SLC1A3: variants seen among roughly 807,000 people sequenced by gnomAD.
The protein encoded by SLC1A3 is solute carrier family 1 member 3, also known as excitatory amino acid transporter 1.
SLC1A3 carries 21 observed loss-of-function variants against 48.1 expected under a neutral mutation model. The ratio of observed to expected loss-of-function variants is 0.44; its 90% CI spans 0.31 to 0.63. SLC1A3 has a LOEUF of 0.63. Among genes scored for constraint, SLC1A3 ranks in the 20% least tolerant of loss-of-function variants. The pLI is 0.08. For synonymous variants in SLC1A3, 239 were observed against 251.4 expected (o/e 0.95, Z 0.47); for missense variants, 546 against 689.0 (o/e 0.79, Z 2.32).
Position 36,686,050 on chromosome 5 carries a change from C to G in SLC1A3, c.1425-15C>G. ...CGGGAGCCTCGTTTTTCCCTCCTCC[C>G]CACCCTGCCTGCAGGGATCGCCTCC... On this transcript the variant is annotated splice_polypyrimidine_tract_variant and intron_variant, in intron 9 of 9. Transcript: ENST00000265113. 6.2e-7 allele frequency: 1 copy of G among 1,611,692 alleles called. No homozygotes were observed. Among genetic ancestry groups the G allele is most frequent in the Non-Finnish European group, 8.5e-7 (1 of 1,177,996 alleles).
At chr5:36,632,084 A>G (rs1740155656) in intron 3 of SLC1A3, among the ~76,000 whole-genome samples, 1 of 152,216 alleles carries the variant, frequency 6.6e-6, no homozygotes, top group Non-Finnish European at 1.5e-5. Flanking sequence ...GGATACAGAG[A>G]AATATTTCTC....
chr5:36,601,515 TA>T (rs1476316627), upstream of SLC1A3, among the ~76,000 whole-genome samples: 1 of 152,186 alleles, frequency 6.6e-6, no homozygotes, highest in East Asian at 1.9e-4. Context: ...ACTGCACACA[TA>T]ATGGGACCAG....
At position 36,686,061 on chromosome 5, in the gene SLC1A3, G is replaced by T. The variant is rs750192680; in HGVS notation, c.1425-4G>T. On this transcript the variant is annotated splice_region_variant and splice_polypyrimidine_tract_variant and intron_variant, in intron 9 of 9. Transcript: ENST00000265113. ...TTTTTCCCTCCTCCCCACCCTGCCT[G>T]CAGGGATCGCCTCCGGACCACCACC... is the stretch of plus-strand genomic sequence containing the variant. 1.2e-6 allele frequency: 2 copies of T among 1,613,854 alleles called. No homozygotes were observed. Among genetic ancestry groups the T allele is most frequent in the East Asian group, 2.2e-5 (1 of 44,886 alleles).
At chr5:36,672,790 A>T (rs536388475) in intron 4 of SLC1A3, among the ~76,000 whole-genome samples, 2 of 152,300 alleles carry the variant, frequency 1.3e-5, no homozygotes, top group South Asian at 2.1e-4. Context: ...ACCCTATAAC[A>T]TTATTTCATA....
intron 2 of SLC1A3, among the ~76,000 whole-genome samples, chr5:36,610,832 G>A (rs944245561): frequency 2.0e-5 from 3 of 152,142 alleles, no homozygotes; most frequent in African/African-American, 7.2e-5. Flanking sequence ...TGCCCTCATG[G>A]TTGGCTTTAC....
At chr5:36,665,761 AGAAT>A (rs1741715413) in intron 3 of SLC1A3, among the ~76,000 whole-genome samples, 1 of 152,236 alleles carries the variant, frequency 6.6e-6, no homozygotes, top group African/African-American at 2.4e-5. Flanking sequence ...AGCCAAAAGT[AGAAT>A]CCAGGTATTC....
intron 1 of SLC1A3, among the ~76,000 whole-genome samples, chr5:36,599,776 T>A (rs1435867514): frequency 6.6e-6 from 1 of 151,952 alleles, no homozygotes; most frequent in Non-Finnish European, 1.5e-5. Context: ...AAAGTGCTGC[T>A]GTGGTTGAAC....
intron 2 of SLC1A3, among the ~76,000 whole-genome samples, chr5:36,616,904 ATTTATT>A (rs1739459312): frequency 6.6e-6 from 1 of 152,154 alleles, no homozygotes; most frequent in African/African-American, 2.4e-5. Flanking sequence ...TTAGTTATTT[ATTTATT>A]TTTGTTTTCT....
chr5:36,624,945 A>G (rs910219448), intron 2 of SLC1A3, among the ~76,000 whole-genome samples: 4 of 152,182 alleles, frequency 2.6e-5, no homozygotes, highest in Non-Finnish European at 4.4e-5. Context: ...CAGGGCGTTC[A>G]CCATGTAGGA....
upstream of SLC1A3, among the ~76,000 whole-genome samples, chr5:36,605,258 C>T (rs2562582): frequency 0.86 from 130,882 of 152,178 alleles, 56,684 homozygotes; most frequent in African/African-American, 0.97. Flanking sequence ...TAATTAAGTG[C>T]TAAACAATGT....
At chr5:36,675,093 A>T (rs1038256101) in intron 5 of SLC1A3, among the ~76,000 whole-genome samples, 6 of 152,166 alleles carry the variant, frequency 3.9e-5, no homozygotes, top group Non-Finnish European at 5.9e-5. Flanking sequence ...TCTGCTTAGG[A>T]TCTGTAAAAC....
At chr5:36,657,732 T>C (rs1741338967) in intron 3 of SLC1A3, among the ~76,000 whole-genome samples, 1 of 152,184 alleles carries the variant, frequency 6.6e-6, no homozygotes, top group African/African-American at 2.4e-5. Context: ...AAAAGGCAAT[T>C]GCGCAATTAC....
chr5:36,640,773 C>T (rs1459532366), intron 3 of SLC1A3, among the ~76,000 whole-genome samples: 7 of 152,056 alleles, frequency 4.6e-5, no homozygotes, highest in Admixed American at 4.6e-4. Flanking sequence ...AAGAGGGGAA[C>T]CCCTATATAT....
In SLC1A3 at chr5:36,680,493, A is replaced by G; in HGVS notation, c.1193A>G (p.Asn398Ser). Residue 398 changes from asparagine (N) to serine (S), a missense_variant, in exon 8 of 10, where the codon AAC (asparagine) becomes AGC (serine). Physicochemically the swap from Asn to Ser is conservative, Grantham distance 46. Coordinates refer to ENST00000265113, the MANE Select transcript of SLC1A3 (RefSeq NM_004172.5). Reference sequence around the variant, plus strand: ...GTGCTCCCCGTAGGAGCCACCATTAACATGGATGGGACTGCCCTCTATGAG... The same window carrying G: ...GTGCTCCCCGTAGGAGCCACCATTAGCATGGATGGGACTGCCCTCTATGAG... ...RFVLPVGATI[N>S]MDGTALYEAL... 1 of 1,614,142 alleles carries G rather than the reference A, an allele frequency of 6.2e-7. No individual in the cohort carries two copies. Among genetic ancestry groups the G allele is most frequent in the Non-Finnish European group, 8.5e-7 (1 of 1,179,962 alleles).
At chr5:36,611,316 A>G (rs1167025800) in intron 2 of SLC1A3, among the ~76,000 whole-genome samples, 1 of 145,206 alleles carries the variant, frequency 6.9e-6, no homozygotes, top group Non-Finnish European at 1.5e-5. Flanking sequence ...GGGAAAACCT[A>G]TGTACTGGGT....
At chr5:36,616,700 T>G (rs920241571) in intron 2 of SLC1A3, among the ~76,000 whole-genome samples, 7 of 152,194 alleles carry the variant, frequency 4.6e-5, no homozygotes, top group Admixed American at 2.6e-4. Context: ...GCAAAGATGG[T>G]CCCTTCTTTT....
intron 8 of SLC1A3, 127 bp downstream of exon 8, chr5:36,680,716 A>G: frequency 3.8e-6 from 3 of 781,020 alleles, no homozygotes; most frequent in Non-Finnish European, 6.7e-6. Context: ...CCAGGAGTTC[A>G]AGACTAGCCT....
chr5:36,671,380 A>G, intron 4 of SLC1A3, 147 bp downstream of exon 4: 1 of 707,742 alleles, frequency 1.4e-6, no homozygotes, highest in Non-Finnish European at 2.6e-6. Flanking sequence ...CCTCTTTCTT[A>G]TAGAAATTGA....
rs146929198 is a variant in SLC1A3 at position 36,677,120 on chromosome 5, G to A, written c.796G>A (p.Ala266Thr). The change falls in exon 6 of 10, where the codon GCC becomes ACC. Residue 266 changes from alanine (A) to threonine (T), a missense_variant. Ala to Thr is a moderately conservative substitution (Grantham distance 58). This residue lies in a region of SLC1A3 where 348 missense variants were observed against 392.0 expected (regional missense o/e 0.89). Transcript: ENST00000265113. ...TGGAAACATGAAGGAACAGGGGCAGGCCCTGAGAGAGTTCTTTGATTCTCT... is the reference window on the plus strand; with the variant it reads ...TGGAAACATGAAGGAACAGGGGCAGACCCTGAGAGAGTTCTTTGATTCTCT... ...VIGNMKEQGQ[A>T]LREFFDSLNE... 4.0e-5 allele frequency: 65 copies of A among 1,614,134 alleles called. 1 individual carries two copies. The highest frequency in any genetic ancestry group is 4.0e-4 in the African/African-American group (30 of 75,048).
Sources: allele counts gnomAD v4.1 joint callset (sites outside exome capture counted in the v4.1 genomes callset), GRCh38; gene constraint gnomAD v4.1.1; regional missense constraint gnomAD v4.1.1; transcripts MANE v1.5; gene names NCBI Gene and HGNC (gene_info 2026-07-23, HGNC 2026-07-21).